GPSM2: variants seen among roughly 807,000 people sequenced by gnomAD.
GPSM2 encodes G protein signaling modulator 2, also known as G protein-signaling modulator 2.
In GPSM2, 58 loss-of-function variants were observed where a neutral mutation model predicts 78.4. The observed-to-expected ratio is 0.74, with a 90% CI of 0.60 to 0.92. GPSM2 has a LOEUF of 0.92. GPSM2 is among the 40% of genes least tolerant of loss of function. The pLI, the probability that GPSM2 is intolerant of heterozygous loss-of-function variation, is 0.00. For missense variants in GPSM2, 700 were observed against 815.5 expected, an observed-to-expected ratio of 0.86 and a Z score of 1.73; for synonymous variants, 224 against 280.2, an observed-to-expected ratio of 0.80 and a Z score of 2.00.
At chr1:108,899,111 C>A in intron 7 of GPSM2, 117 bp downstream of exon 7, 1 of 695,086 alleles carries the variant, frequency 1.4e-6, no homozygotes, top group Non-Finnish European at 2.6e-6. Context: ...CCTCAATTTC[C>A]TTATCTGTAA....
intron 1 of GPSM2, among the ~76,000 whole-genome samples, chr1:108,885,031 G>A (rs1381524585): frequency 6.6e-6 from 1 of 152,050 alleles, no homozygotes; most frequent in African/African-American, 2.4e-5. Flanking sequence ...GTTTATAGCA[G>A]AAAATATTAC....
chr1:108,888,565 C>T (rs910847457), intron 2 of GPSM2, among the ~76,000 whole-genome samples: 1 of 152,220 alleles, frequency 6.6e-6, no homozygotes, highest in Non-Finnish European at 1.5e-5. Context: ...GTCTCGAACT[C>T]CTGGGCTCAA....
chr1:108,915,979 T>A (rs916137113), intron 11 of GPSM2, among the ~76,000 whole-genome samples: 1 of 150,910 alleles, frequency 6.6e-6, no homozygotes, highest in African/African-American at 2.4e-5. Flanking sequence ...CAGTGGCTCA[T>A]GCCTGTAATC....
intron 5 of GPSM2, 28 bp downstream of exon 5, chr1:108,898,129 T>G: frequency 6.2e-7 from 1 of 1,606,830 alleles, no homozygotes; most frequent in Non-Finnish European, 8.5e-7. Context: ...TGGGCAGTCA[T>G]GTAGGCCCAT....
At chr1:108,924,313 TAG>T (rs752341227) in intron 14 of GPSM2, 99 bp downstream of exon 14, 22 of 784,512 alleles carry the variant, frequency 2.8e-5, no homozygotes, top group Middle Eastern at 2.4e-4. Flanking sequence ...TATTTTGTAT[TAG>T]AGAGTTATTA....
chr1:108,904,757 C>A (rs991191151), intron 10 of GPSM2, among the ~76,000 whole-genome samples: 13 of 149,248 alleles, frequency 8.7e-5, no homozygotes, highest in Non-Finnish European at 1.8e-4. Context: ...ATTTTTCTTT[C>A]TTTTTTTTTG....
chr1:108,917,338 C>T (rs558215053), intron 11 of GPSM2, among the ~76,000 whole-genome samples: 5 of 151,656 alleles, frequency 3.3e-5, no homozygotes, highest in Non-Finnish European at 5.9e-5. Flanking sequence ...GAGGCCGAGG[C>T]GGGTGGATCA....
chr1:108,899,888 C>G (rs550910264), intron 7 of GPSM2, among the ~76,000 whole-genome samples: 3 of 152,166 alleles, frequency 2.0e-5, no homozygotes, highest in Non-Finnish European at 1.5e-5. Context: ...TAAACATCAA[C>G]TAATGGTTAA....
intron 9 of GPSM2, among the ~76,000 whole-genome samples, chr1:108,903,561 ACTGCTTCCTGTTGTAGTT>A (rs1466077794): frequency 6.6e-6 from 1 of 152,126 alleles, no homozygotes. Flanking sequence ...AGAATTAAGG[ACTGCTTCCTGTTGTAGTT>A]CTGCCACTTA....
chr1:108,923,934 C>T lies in GPSM2; in HGVS notation c.1601-66C>T, dbSNP rs1305743276. On this transcript the variant is annotated intron_variant, in intron 13 of 14. Coordinates refer to ENST00000264126, the MANE Select transcript of GPSM2 (RefSeq NM_013296.5). ...AAGATCTAGGTATATAATAAATGTGCCTAGGTTTTTTTGTTTTTTGTTTTT... is the reference window on the plus strand; with the variant it reads ...AAGATCTAGGTATATAATAAATGTGTCTAGGTTTTTTTGTTTTTTGTTTTT... 3.5e-6 allele frequency: 4 copies of T among 1,153,572 alleles called. No individual in the cohort carries two copies. In the East Asian group the frequency reaches 7.0e-5, roughly 20 times the overall value. The allele number at this position is 1,153,572 out of a possible 1,614,324, so 71.5% of individuals were successfully genotyped here. A position where few individuals can be genotyped will look rare whatever the true frequency, so the allele number is the denominator to read the frequency against.
Position 108,930,097 on chromosome 1 carries a change from ACTTCTCTG to A in GPSM2, c.*158_*165del. The A allele has an allele frequency of 2.9e-6, 2 of 691,252 alleles. No homozygotes were observed. The highest frequency in any genetic ancestry group is 4.8e-6 in the Non-Finnish European group (2 of 417,264). The allele number at this position is 691,252 out of a possible 1,614,324, so 42.8% of individuals were successfully genotyped here. On this transcript the variant is annotated 3_prime_UTR_variant, in exon 15 of 15. Coordinates refer to ENST00000264126, the MANE Select transcript of GPSM2 (RefSeq NM_013296.5). ...TTCAGTAGTCTATTAAGGCATTAATACTTCTCTGGACATGCGCGTTTGAGGGTGGAGGG... is the reference window on the plus strand; with the variant it reads ...TTCAGTAGTCTATTAAGGCATTAATAGACATGCGCGTTTGAGGGTGGAGGG...
At chr1:108,880,415 G>A (rs1001357515) in intron 1 of GPSM2, among the ~76,000 whole-genome samples, 1 of 152,234 alleles carries the variant, frequency 6.6e-6, no homozygotes, top group South Asian at 2.1e-4. Context: ...CCAACATGGC[G>A]AAACCCTGTC....
intron 1 of GPSM2, among the ~76,000 whole-genome samples, chr1:108,878,333 G>A (rs956266452): frequency 2.6e-5 from 4 of 152,074 alleles, no homozygotes; most frequent in Non-Finnish European, 4.4e-5. Flanking sequence ...AGTCGTTTTC[G>A]CAAGCTATTT....
chr1:108,928,240 C>T (rs908782031), intron 14 of GPSM2, among the ~76,000 whole-genome samples: 3 of 152,170 alleles, frequency 2.0e-5, no homozygotes, highest in Non-Finnish European at 4.4e-5. Flanking sequence ...GGGCAAAGAA[C>T]TGGAAGAGGC....
At position 108,924,119 on chromosome 1, in the gene GPSM2, C is replaced by T; in HGVS notation, c.1720C>T (p.Leu574=). 1.9e-6 allele frequency: 3 copies of T among 1,613,816 alleles called. No homozygotes were observed. Among genetic ancestry groups the T allele is most frequent in the Middle Eastern group, 1.6e-4 (1 of 6,062 alleles). ...TTTCAGTAATTTGCCAGGGCTTCGT[C>T]TAACACAAAACAGCCAGTCGGTACT... ...ASFSNLPGLR[L]TQNSQSVLSH... The change falls in exon 14 of 15, where the codon CTA becomes TTA. Residue 574 remains leucine, a synonymous_variant. Coordinates refer to ENST00000264126, the MANE Select transcript of GPSM2 (RefSeq NM_013296.5).
intron 2 of GPSM2, 69 bp from the exon 3 acceptor site, chr1:108,896,795 G>A (rs997791665): frequency 2.7e-5 from 31 of 1,164,254 alleles, no homozygotes; most frequent in Middle Eastern, 3.8e-4. Context: ...ATTATATTAC[G>A]GGAAGTTAAA....
In GPSM2 at chr1:108,930,067, T is replaced by C; in HGVS notation, c.*127T>C. ...ATATTTTTAGAATGATGTAAATAGT[T>C]AACCTTCAGTAGTCTATTAAGGCAT... On this transcript the variant is annotated 3_prime_UTR_variant, in exon 15 of 15. Transcript: ENST00000264126. 1.2e-6 allele frequency: 1 copy of C among 868,724 alleles called. No homozygotes were observed. The highest frequency in any genetic ancestry group is 1.7e-5 in the South Asian group (1 of 60,088). The allele number at this position is 868,724 out of a possible 1,614,324, so 53.8% of individuals were successfully genotyped here.
At chr1:108,929,644 TAG>T in intron 14 of GPSM2, 55 bp from the exon 15 acceptor site, 2 of 1,551,566 alleles carry the variant, frequency 1.3e-6, no homozygotes, top group Non-Finnish European at 1.8e-6. Context: ...AGATTTAACA[TAG>T]CTTGGTGCTT....
intron 10 of GPSM2, among the ~76,000 whole-genome samples, chr1:108,910,149 TAAC>T (rs1437828901): frequency 2.0e-5 from 3 of 152,128 alleles, no homozygotes; most frequent in African/African-American, 4.8e-5. Flanking sequence ...AGATTCTGAA[TAAC>T]GTTATGACAA....
Sources: gnomAD v4.1 joint callset for allele counts (sites outside exome capture counted in the v4.1 genomes callset) on GRCh38, gnomAD v4.1.1 for gene constraint, MANE v1.5 for transcripts, NCBI Gene and HGNC (gene_info 2026-07-23, HGNC 2026-07-21) for gene names.